The following ULK4 variants were observed in gnomAD, a reference collection of about 807,000 sequenced individuals.
ULK4 encodes unc-51 like kinase 4.
ULK4 carries 133 observed loss-of-function variants against 160.6 expected under a neutral mutation model. The observed-to-expected ratio is 0.83, with a 90% CI of 0.72 to 0.96. The LOEUF is 0.96. ULK4 is among the 40% of genes least tolerant of loss of function. The pLI, the probability that ULK4 is intolerant of heterozygous loss-of-function variation, is 0.00. For missense variants in ULK4, 1,580 were observed against 1,499.5 expected (o/e 1.05, Z -0.89); for synonymous variants, 534 against 539.8 (o/e 0.99, Z 0.15).
intron 19 of ULK4, among the ~76,000 whole-genome samples, chr3:41,812,023 T>C (rs1415243263): frequency 6.6e-6 from 1 of 152,196 alleles, no homozygotes; most frequent in African/African-American, 2.4e-5. Context: ...GGCTCATACC[T>C]GTAATTCCTT....
At chr3:41,690,316 A>T (rs1307885059) in intron 27 of ULK4, among the ~76,000 whole-genome samples, 1 of 151,538 alleles carries the variant, frequency 6.6e-6, no homozygotes. Context: ...GGGGAGGGAT[A>T]GCTTTAGGAG....
chr3:41,502,817 C>T (rs2085256216), intron 32 of ULK4, among the ~76,000 whole-genome samples: 1 of 152,068 alleles, frequency 6.6e-6, no homozygotes, highest in South Asian at 2.1e-4. Flanking sequence ...TCAAGGGACA[C>T]AAGGAAACTG....
chr3:41,953,275 CATATAT>C (rs1449535104), intron 2 of ULK4, among the ~76,000 whole-genome samples: 64 of 36,746 alleles, frequency 1.7e-3, no homozygotes, highest in African/African-American at 3.1e-3. Context: ...CACATATATA[CATATAT>C]ACACATATAT....
intron 17 of ULK4, among the ~76,000 whole-genome samples, chr3:41,846,451 G>A (rs1483510247): frequency 1.3e-5 from 2 of 152,190 alleles, no homozygotes; most frequent in South Asian, 2.1e-4. Flanking sequence ...TATTATGCAT[G>A]TTTTCCTCTA....
chr3:41,688,704 T>C (rs1416830621), intron 27 of ULK4, among the ~76,000 whole-genome samples: 1 of 152,194 alleles, frequency 6.6e-6, no homozygotes, highest in Non-Finnish European at 1.5e-5. Context: ...TGTGTGCTAT[T>C]AAGCAATTTA....
At chr3:41,360,398 C>T (rs1422347692) in intron 35 of ULK4, among the ~76,000 whole-genome samples, 1 of 152,164 alleles carries the variant, frequency 6.6e-6, no homozygotes, top group Non-Finnish European at 1.5e-5. Context: ...CCATTTAACC[C>T]AGCAATCCTA....
rs186562697 is a variant in ULK4 at position 41,465,267 on chromosome 3, T to C, written c.3227-2014A>G. ...AAAGTCATGAGACAGTTCAGCAAAA[T>C]GTACCTTCATTACCCTTTTCAACAA... On this transcript the variant is annotated intron_variant, in intron 32 of 36. Transcript: ENST00000301831. 5.9e-5 allele frequency among the ~76,000 whole-genome samples: 9 copies of C among 152,350 alleles called. No homozygotes were observed. The East Asian group carries it at 1.7e-3, about 29-fold the overall frequency.
At position 41,651,150 on chromosome 3, in the gene ULK4, A is replaced by G. The variant is rs115850779; in HGVS notation, c.3071+12457T>C. On this transcript the variant is annotated intron_variant, in intron 30 of 36. Coordinates refer to ENST00000301831, the MANE Select transcript of ULK4 (RefSeq NM_017886.4). ...ACCTTCTGATGCTAAAATAATGGTA[A>G]TCCTCTGTCCTCATCATACTGACCC... Among the ~76,000 whole-genome samples, 999 of 152,202 alleles carry G rather than the reference A, an allele frequency of 6.6e-3. 11 individuals carry two copies. The highest frequency in any genetic ancestry group is 0.022 in the African/African-American group (929 of 41,520).
intron 21 of ULK4, among the ~76,000 whole-genome samples, chr3:41,780,548 T>TG (rs2039804478): frequency 6.6e-6 from 1 of 152,050 alleles, no homozygotes; most frequent in African/African-American, 2.4e-5. Context: ...CTACAATTGA[T>TG]GCTCTTCTCC....
intron 32 of ULK4, among the ~76,000 whole-genome samples, chr3:41,524,766 C>T (rs2086053847): frequency 3.3e-5 from 5 of 151,934 alleles, no homozygotes; most frequent in Non-Finnish European, 7.4e-5. Flanking sequence ...GGTGAAATCC[C>T]GTCTCTATAA....
rs73830255 is a variant in ULK4, at chr3:41,577,787, T to C, written c.3121-11657A>G. On this transcript the variant is annotated intron_variant, in intron 31 of 36. Coordinates refer to ENST00000301831, the MANE Select transcript of ULK4 (RefSeq NM_017886.4). ...TGCATCTTCCTTTCCCATTATCTCATAATTATTTACCTAAAAATCACATCA... is the reference window on the plus strand; with the variant it reads ...TGCATCTTCCTTTCCCATTATCTCACAATTATTTACCTAAAAATCACATCA... Among the ~76,000 whole-genome samples, 501 of 152,334 alleles carry C rather than the reference T, an allele frequency of 3.3e-3. 3 individuals carry two copies. Among genetic ancestry groups the C allele is most frequent in the African/African-American group, 0.012 (479 of 41,570 alleles).
intron 17 of ULK4, among the ~76,000 whole-genome samples, chr3:41,847,579 A>T (rs2042099946): frequency 6.6e-6 from 1 of 152,212 alleles, no homozygotes. Context: ...CTGAAATAAG[A>T]GGCATTCCAC....
At chr3:41,783,924 T>C (rs2039926633) in intron 21 of ULK4, among the ~76,000 whole-genome samples, 1 of 152,060 alleles carries the variant, frequency 6.6e-6, no homozygotes, top group South Asian at 2.1e-4. Context: ...GAAAAATGAC[T>C]ACAAAGTAAA....
intron 31 of ULK4, among the ~76,000 whole-genome samples, chr3:41,599,179 C>T (rs1357536825): frequency 6.6e-6 from 1 of 152,070 alleles, no homozygotes. Flanking sequence ...ATGTTTAGGT[C>T]AGCTGATTAG....
At chr3:41,384,992 C>A (rs1289849453) in intron 35 of ULK4, among the ~76,000 whole-genome samples, 2 of 152,058 alleles carry the variant, frequency 1.3e-5, no homozygotes, top group African/African-American at 4.8e-5. Context: ...GAGGTCAAGG[C>A]TGCAGTCCCC....
At chr3:41,290,801 C>T (rs968857189) in intron 35 of ULK4, among the ~76,000 whole-genome samples, 2 of 152,206 alleles carry the variant, frequency 1.3e-5, no homozygotes, top group Admixed American at 6.5e-5. Context: ...TGTTCTCACC[C>T]TTCTATGTTC....
intron 17 of ULK4, among the ~76,000 whole-genome samples, chr3:41,838,568 G>C (rs1409191660): frequency 1.3e-5 from 2 of 151,854 alleles, no homozygotes; most frequent in Non-Finnish European, 2.9e-5. Context: ...CCACAGGAAG[G>C]TAATAAAAAG....
At chr3:41,265,196 CACGGCCACAG>C (rs1026078657) in intron 35 of ULK4, among the ~76,000 whole-genome samples, 4 of 152,364 alleles carry the variant, frequency 2.6e-5, no homozygotes, top group African/African-American at 9.6e-5. Context: ...ATCTCAGATC[CACGGCCACAG>C]GGGGCCACGG....
intron 21 of ULK4, among the ~76,000 whole-genome samples, chr3:41,780,733 G>A (rs1039038141): frequency 2.6e-5 from 4 of 152,170 alleles, no homozygotes; most frequent in Non-Finnish European, 5.9e-5. Context: ...CAGAGTCACT[G>A]CACTTAGGGA....
Sources: gnomAD v4.1 joint callset for allele counts (sites outside exome capture counted in the v4.1 genomes callset) on GRCh38, gnomAD v4.1.1 for gene constraint, MANE v1.5 for transcripts, NCBI Gene and HGNC (gene_info 2026-07-23, HGNC 2026-07-21) for gene names.